SLC30A9: variants seen among roughly 807,000 people sequenced by gnomAD.
SLC30A9 encodes the protein solute carrier family 30 member 9, also known as proton-coupled zinc antiporter SLC30A9, mitochondrial.
Under a neutral mutation model 87.5 loss-of-function variants are expected in SLC30A9, and 58 were observed. The ratio of observed to expected loss-of-function variants is 0.66; its 90% CI spans 0.54 to 0.82. The LOEUF (loss-of-function observed/expected upper bound fraction) is 0.82. Among genes scored for constraint, SLC30A9 ranks in the 40% least tolerant of loss-of-function variants. The pLI, the probability that SLC30A9 is intolerant of heterozygous loss-of-function variation, is 0.00. For synonymous variants in SLC30A9, 234 were observed against 233.0 expected, an observed-to-expected ratio of 1.00 and a Z score of -0.04; for missense variants, 557 against 679.1, an observed-to-expected ratio of 0.82 and a Z score of 2.00.
chr4:42,061,605 T>C (rs1717854971), intron 10 of SLC30A9, among the ~76,000 whole-genome samples: 1 of 152,228 alleles, frequency 6.6e-6, no homozygotes, highest in African/African-American at 2.4e-5. Context: ...TGATTAAGAA[T>C]TCTTGTTGAA....
chr4:42,051,312 T>C (rs1029444480), intron 9 of SLC30A9, among the ~76,000 whole-genome samples: 1 of 152,206 alleles, frequency 6.6e-6, no homozygotes, highest in Non-Finnish European at 1.5e-5. Context: ...AAGCCTCACA[T>C]TCTTTAATAA....
chr4:42,070,736 T>C (rs1171107677), intron 15 of SLC30A9, 45 bp downstream of exon 15: 2 of 1,504,030 alleles, frequency 1.3e-6, no homozygotes, highest in Admixed American at 2.0e-5. Flanking sequence ...CAAAAACATA[T>C]TAAAAAACAG....
chr4:42,023,239 T>C, intron 5 of SLC30A9, 63 bp from the exon 6 acceptor site: 2 of 1,078,916 alleles, frequency 1.9e-6, no homozygotes, highest in Non-Finnish European at 2.8e-6. Context: ...AATTTAGATT[T>C]AAATGTGATG....
In SLC30A9 at chr4:42,086,361, G is replaced by T; in HGVS notation, c.*235G>T. On this transcript the variant is annotated 3_prime_UTR_variant, in exon 18 of 18. Transcript: ENST00000264451. ...ATCAATTTGAAAATCATGTTTTTAT[G>T]CTTCCATAGGGAACATTTTGGTTAT... 1 of 358,442 alleles carries T rather than the reference G, an allele frequency of 2.8e-6. No homozygotes were observed. Among genetic ancestry groups the T allele is most frequent in the Non-Finnish European group, 5.0e-6 (1 of 199,764 alleles). 22.2% of individuals were successfully genotyped at this position (358,442 alleles called of 1,614,324 possible).
At chr4:42,030,578 G>T in intron 6 of SLC30A9, among the ~76,000 whole-genome samples, 1 of 149,146 alleles carries the variant, frequency 6.7e-6, no homozygotes, top group African/African-American at 2.5e-5. Context: ...AAACTGGCAT[G>T]GTCTTTTTTT....
intron 6 of SLC30A9, among the ~76,000 whole-genome samples, chr4:42,024,555 A>G (rs1435479379): frequency 6.6e-6 from 1 of 152,214 alleles, no homozygotes; most frequent in African/African-American, 2.4e-5. Flanking sequence ...AATTGTGAAT[A>G]TTTACATAGG....
chr4:42,079,493 C>T (rs923812955), intron 17 of SLC30A9, among the ~76,000 whole-genome samples: 20 of 151,976 alleles, frequency 1.3e-4, no homozygotes, highest in Admixed American at 1.3e-3. Context: ...GAGGTTTCAC[C>T]ATGTTGGCCA....
intron 16 of SLC30A9, among the ~76,000 whole-genome samples, chr4:42,076,710 TC>T (rs1323108732): frequency 1.3e-5 from 2 of 152,056 alleles, no homozygotes; most frequent in Non-Finnish European, 2.9e-5. Context: ...ACGTCTGTAA[TC>T]CCAGCACTTT....
rs182762164 is a variant in SLC30A9 at position 42,041,709 on chromosome 4, G to C, written c.737+2656G>C. On this transcript the variant is annotated intron_variant, in intron 8 of 17. Transcript: ENST00000264451. ...TGTGATTATACCACTGCACTCCAAC[G>C]TGGGCAAGAACAAGACCCTGTCTTT... Among the ~76,000 whole-genome samples, 500 of 152,234 alleles carry C rather than the reference G, an allele frequency of 3.3e-3. 4 individuals are homozygous for C. The highest frequency in any genetic ancestry group is 0.014 in the Middle Eastern group (4 of 294).
chr4:42,019,007 TTA>T (rs200456150), intron 3 of SLC30A9, among the ~76,000 whole-genome samples: 8 of 78,732 alleles, frequency 1.0e-4, no homozygotes, highest in South Asian at 1.2e-3. Context: ...CTGTATTTCC[TTA>T]TATTTTTTTT....
intron 1 of SLC30A9, among the ~76,000 whole-genome samples, chr4:41,991,805 G>A (rs943419466): frequency 6.6e-6 from 1 of 152,096 alleles, no homozygotes; most frequent in Non-Finnish European, 1.5e-5. Flanking sequence ...GAAAGAAGTC[G>A]GAAGTTGCAG....
In SLC30A9 at chr4:42,078,164, A is replaced by T. The variant is rs776454492; in HGVS notation, c.1549-48A>T. ...TTTTTTAAGGAGTCATAAGTGTACC[A>T]CTATGGTTTTTTAAAAATTTATTTT... On this transcript the variant is annotated intron_variant, in intron 16 of 17. Coordinates refer to ENST00000264451, the MANE Select transcript of SLC30A9 (RefSeq NM_006345.4). 3 of 873,778 alleles carry T rather than the reference A, an allele frequency of 3.4e-6. No homozygotes were observed. The South Asian group carries it at 4.7e-5, about 14-fold the overall frequency. 54.1% of individuals were successfully genotyped at this position (873,778 alleles called of 1,614,324 possible).
chr4:42,035,471 T>A, intron 7 of SLC30A9, 138 bp downstream of exon 7: 1 of 933,596 alleles, frequency 1.1e-6, no homozygotes, highest in Non-Finnish European at 1.5e-6. Context: ...TGAATTATAG[T>A]CAATTCATTC....
At chr4:42,060,133 C>T in intron 9 of SLC30A9, 58 bp from the exon 10 acceptor site, 1 of 1,336,472 alleles carries the variant, frequency 7.5e-7, no homozygotes, top group South Asian at 1.2e-5. Context: ...TTGGCTTTAC[C>T]ATATTATACT....
intron 3 of SLC30A9, among the ~76,000 whole-genome samples, chr4:42,020,023 C>T (rs1336101440): frequency 1.3e-5 from 2 of 152,062 alleles, no homozygotes; most frequent in Non-Finnish European, 2.9e-5. Flanking sequence ...TGGTCTCAAA[C>T]TCTTGACCTC....
At chr4:42,022,696 T>C in intron 4 of SLC30A9, 142 bp from the exon 5 acceptor site, 1 of 475,278 alleles carries the variant, frequency 2.1e-6, no homozygotes, top group Non-Finnish European at 3.8e-6. Flanking sequence ...ATCTTTAAAC[T>C]GATCTTTAAA....
chr4:42,081,551 A>G (rs1718740589), intron 17 of SLC30A9, among the ~76,000 whole-genome samples: 1 of 152,256 alleles, frequency 6.6e-6, no homozygotes, highest in Non-Finnish European at 1.5e-5. Flanking sequence ...GCACTTTGCA[A>G]ACAACTAATC....
At chr4:42,054,493 A>AT (rs35238488) in intron 9 of SLC30A9, among the ~76,000 whole-genome samples, 91,351 of 143,836 alleles carry the variant, frequency 0.64, 34,732 homozygotes, top group East Asian at 0.96. Context: ...ATTAGTATTG[A>AT]TTTTTTTTTT....
chr4:42,051,492 C>T (rs1274027640), intron 9 of SLC30A9, among the ~76,000 whole-genome samples: 1 of 152,058 alleles, frequency 6.6e-6, no homozygotes. Context: ...TATTAAACAG[C>T]TATTTCAAGT....
Sources: allele counts gnomAD v4.1 joint callset (sites outside exome capture counted in the v4.1 genomes callset), GRCh38; gene constraint gnomAD v4.1.1; transcripts MANE v1.5; gene names NCBI Gene and HGNC (gene_info 2026-07-23, HGNC 2026-07-21).